SHROOM1: variants seen among roughly 807,000 people sequenced by gnomAD.
SHROOM1 encodes the protein protein Shroom1.
SHROOM1 carries 53 observed loss-of-function variants against 64.2 expected under a neutral mutation model. That is an observed-to-expected ratio of 0.83 (90% CI 0.66 to 1.04). The LOEUF (loss-of-function observed/expected upper bound fraction) is 1.04. SHROOM1 is among the 50% of genes least tolerant of loss of function. The probability of loss-of-function intolerance (pLI) is 0.00; values close to 1 mark genes in which losing one functional copy is unlikely to be tolerated. For missense variants in SHROOM1, 1,179 were observed against 1,163.2 expected (o/e 1.01, Z -0.20); for synonymous variants, 490 against 518.9 (o/e 0.94, Z 0.76).
chr5:132,825,615 G>C lies in SHROOM1; in HGVS notation c.526C>G (p.Pro176Ala). 1.5e-6 allele frequency: 2 copies of C among 1,359,984 alleles called. No homozygotes were observed. The highest frequency in any genetic ancestry group is 1.9e-6 in the Non-Finnish European group (2 of 1,063,756). The allele number at this position is 1,359,984 out of a possible 1,614,324, so 84.2% of individuals were successfully genotyped here. ...SLPARLRPTV[P>A]ARPPATHPRS... is the part of the protein sequence containing the mutation. ...GGGTGAGTCGCCGGGGGCCGCGCTGGGACAGTGGGCCGCAGACGGGCGGGC... is the reference window on the plus strand; with the variant it reads ...GGGTGAGTCGCCGGGGGCCGCGCTGCGACAGTGGGCCGCAGACGGGCGGGC... The change falls in exon 4 of 10, where the codon CCA becomes GCA. Residue 176 changes from proline to alanine, a missense_variant. Transcript: ENST00000378679. The surrounding 1 kb of genome is among the most constrained non-coding windows in gnomAD (Gnocchi z 5.1).
chr5:132,823,324 G>C lies in SHROOM1; in HGVS notation c.2152C>G (p.Leu718Val). 1.2e-6 allele frequency: 2 copies of C among 1,604,604 alleles called. No homozygotes were observed. The highest frequency in any genetic ancestry group is 1.7e-6 in the Non-Finnish European group (2 of 1,179,536). Residue 718 changes from leucine to valine, a missense_variant, in exon 9 of 10, where the codon CTG (leucine) becomes GTG (valine). Coordinates refer to ENST00000378679, the MANE Select transcript of SHROOM1 (RefSeq NM_001172700.2). This position sits in a 1 kb window ranked among gnomAD's most constrained non-coding sequence, Gnocchi z 4.6. ...DLERVLGLLL[L>V]LGSRLARVRR... ...ACGCGCGCCAGGCGACTGCCCAGCA[G>C]CAGCAGAAGGCCAAGCACGCGCTCT... is the stretch of plus-strand genomic sequence containing the variant.
chr5:132,830,080 C>A lies in SHROOM1; in HGVS notation c.-501+514G>T. 1.0e-6 allele frequency: 1 copy of A among 985,362 alleles called. No individual in the cohort carries two copies. 61.0% of individuals were successfully genotyped at this position (985,362 alleles called of 1,614,324 possible). ...GGCACGGGAGGGAGAGAGGCGCAGG[C>A]CCCGGCGGCCGCAGGGGGCGGCAGA... is the stretch of plus-strand genomic sequence containing the variant. On this transcript the variant is annotated intron_variant, in intron 1 of 9. Coordinates refer to ENST00000378679, the MANE Select transcript of SHROOM1 (RefSeq NM_001172700.2). This position sits in a 1 kb window ranked among gnomAD's most constrained non-coding sequence, Gnocchi z 5.9.
Position 132,825,465 on chromosome 5 carries a change from G to C in SHROOM1, c.676C>G (p.Pro226Ala), listed in dbSNP as rs200458970. The C allele has an allele frequency of 9.6e-6, 15 of 1,561,756 alleles. No homozygotes were observed. Among genetic ancestry groups the C allele is most frequent in the Non-Finnish European group, 1.3e-5 (15 of 1,158,532 alleles). The change falls in exon 4 of 10, where the codon CCA (proline) becomes GCA (alanine). Residue 226 changes from proline to alanine, a missense_variant. Physicochemically the swap from Pro to Ala is conservative, Grantham distance 27. Transcript: ENST00000378679. This position sits in a 1 kb window ranked among gnomAD's most constrained non-coding sequence, Gnocchi z 5.1. ...CGACCCACACGATCCAGCTTTCCTGGCTCTGAGAAGCACCACTTCCGCTGC... is the reference window on the plus strand; with the variant it reads ...CGACCCACACGATCCAGCTTTCCTGCCTCTGAGAAGCACCACTTCCGCTGC... The part of the protein sequence containing the change: ...NQQRKWCFSE[P>A]GKLDRVGRGG...
In SHROOM1 at chr5:132,830,095, G is replaced by T. The variant is rs917621278; in HGVS notation, c.-501+499C>A. 7.4e-5 allele frequency: 73 copies of T among 985,304 alleles called. No individual in the cohort carries two copies. The highest frequency in any genetic ancestry group is 1.2e-4 in the Admixed American group (2 of 16,268). 61.0% of individuals were successfully genotyped at this position (985,304 alleles called of 1,614,324 possible). On this transcript the variant is annotated intron_variant, in intron 1 of 9. Transcript: ENST00000378679. The surrounding 1 kb of genome is among the most constrained non-coding windows in gnomAD (Gnocchi z 5.9). ...GAGGCGCAGGCCCCGGCGGCCGCAG[G>T]GGGCGGCAGAGACACGCGGAGCGGC...
intron 1 of SHROOM1, among the ~76,000 whole-genome samples, chr5:132,829,318 G>A (rs1758786576): frequency 6.6e-6 from 1 of 152,210 alleles, no homozygotes; most frequent in Non-Finnish European, 1.5e-5. Flanking sequence ...AGGAGCTGGG[G>A]CTGAGGAATT....
At position 132,823,533 on chromosome 5, in the gene SHROOM1, G is replaced by C. The variant is rs759205426; in HGVS notation, c.1954-11C>G. On this transcript the variant is annotated splice_polypyrimidine_tract_variant and intron_variant, in intron 8 of 9. Coordinates refer to ENST00000378679, the MANE Select transcript of SHROOM1 (RefSeq NM_001172700.2). This position sits in a 1 kb window ranked among gnomAD's most constrained non-coding sequence, Gnocchi z 4.6. ...GGCGGCCAGCTCCACCTACAGGGAA[G>C]GCTCAAGGCTGGGGCCAGGCTCATG... 6.3e-7 allele frequency: 1 copy of C among 1,589,346 alleles called. No homozygotes were observed. Among genetic ancestry groups the C allele is most frequent in the South Asian group, 1.1e-5 (1 of 88,992 alleles).
chr5:132,824,033 T>A lies in SHROOM1; in HGVS notation c.1628A>T (p.Glu543Val). The part of the protein sequence containing the change: ...SRPTWPSQCL[E>V]ELVQELARLD... ...TCTGGCCAGCTCCTGAACCAGCTCC[T>A]CGAGGCACTGACTAGGCCATGTGGG... The change falls in exon 7 of 10, where the codon GAG becomes GTG. Residue 543 changes from glutamate (E) to valine (V), a missense_variant. Physicochemically the swap from Glu to Val is moderately radical, Grantham distance 121. Transcript: ENST00000378679. 6.2e-7 allele frequency: 1 copy of A among 1,608,486 alleles called. No homozygotes were observed. Among genetic ancestry groups the A allele is most frequent in the Non-Finnish European group, 8.5e-7 (1 of 1,176,934 alleles).
rs1206714753 is a variant in SHROOM1, at chr5:132,823,971, G to A, written c.1690C>T (p.Pro564Ser). Reference protein sequence around the residue: ...PSLCDPLASQPSPEPPLGLLD... With the variant: ...PSLCDPLASQSSPEPPLGLLD... ...AGGCCCAGGGGTGGCTCTGGGCTGG[G>A]CTGGGAAGCAAGAGGGTCACATAGA... The change falls in exon 7 of 10, where the codon CCC becomes TCC. Residue 564 changes from proline to serine, a missense_variant. Pro to Ser is a moderately conservative substitution (Grantham distance 74). Coordinates refer to ENST00000378679, the MANE Select transcript of SHROOM1 (RefSeq NM_001172700.2). This position sits in a 1 kb window ranked among gnomAD's most constrained non-coding sequence, Gnocchi z 4.6. 6.2e-7 allele frequency: 1 copy of A among 1,603,608 alleles called. No homozygotes were observed. Among genetic ancestry groups the A allele is most frequent in the Non-Finnish European group, 8.5e-7 (1 of 1,174,874 alleles).
intron 1 of SHROOM1, among the ~76,000 whole-genome samples, chr5:132,829,375 G>C (rs1758787482): frequency 6.6e-6 from 1 of 152,204 alleles, no homozygotes; most frequent in Admixed American, 6.5e-5. Context: ...TGGTGTCTGT[G>C]ACAAGTCAGG....
In SHROOM1 at chr5:132,824,839, A is replaced by G; in HGVS notation, c.1035-18T>C. ...GCAAGAACCTGGAGGCAGGGACCCC[A>G]TAGTGACCACAGTGAAAGGAAGGAA... On this transcript the variant is annotated intron_variant, in intron 5 of 9. Transcript: ENST00000378679. 1 of 1,613,538 alleles carries G rather than the reference A, an allele frequency of 6.2e-7. No individual in the cohort carries two copies. The highest frequency in any genetic ancestry group is 1.1e-5 in the South Asian group (1 of 91,080).
In SHROOM1 at chr5:132,830,636, C is replaced by G. The variant is rs1267469630; in HGVS notation, c.-543G>C. ...ACGCGCTCCTGGGCCGTCGCAGCCG[C>G]GCGGTGACATCAGAGCCCCGGGCTC... On this transcript the variant is annotated 5_prime_UTR_variant, in exon 1 of 10. Transcript: ENST00000378679. The surrounding 1 kb of genome is among the most constrained non-coding windows in gnomAD (Gnocchi z 5.9). The G allele has an allele frequency of 1.5e-5, 15 of 985,330 alleles. No individual in the cohort carries two copies. The highest frequency in any genetic ancestry group is 1.8e-5 in the Non-Finnish European group (15 of 829,858). 61.0% of individuals were successfully genotyped at this position (985,330 alleles called of 1,614,324 possible). A position where few individuals can be genotyped will look rare whatever the true frequency, so the allele number is the denominator to read the frequency against.
At chr5:132,829,148 C>T (rs1198178484) in intron 1 of SHROOM1, among the ~76,000 whole-genome samples, 6 of 152,194 alleles carry the variant, frequency 3.9e-5, no homozygotes, top group South Asian at 2.1e-4. Flanking sequence ...CTAGACTCCC[C>T]GCTAGAAAGA....
At chr5:132,829,795 A>G (rs1758796458) in intron 1 of SHROOM1, 1 of 985,472 alleles carries the variant, frequency 1.0e-6, no homozygotes, top group South Asian at 4.7e-5. Context: ...CGTTCTGGGA[A>G]GTTCACCGGC....
rs764331388 is a variant in SHROOM1, at chr5:132,823,798, G to T, written c.1812-34C>A. Reference sequence around the variant, plus strand: ...AAAACCAGAGCTCCCTGGGTTTCCTGTCCCCAACTTCAGGGGCTCAGTGTC... The same window carrying T: ...AAAACCAGAGCTCCCTGGGTTTCCTTTCCCCAACTTCAGGGGCTCAGTGTC... On this transcript the variant is annotated intron_variant, in intron 7 of 9. Transcript: ENST00000378679. The surrounding 1 kb of genome is among the most constrained non-coding windows in gnomAD (Gnocchi z 4.6). 6.5e-7 allele frequency: 1 copy of T among 1,533,448 alleles called. No homozygotes were observed. Among genetic ancestry groups the T allele is most frequent in the Non-Finnish European group, 8.8e-7 (1 of 1,140,798 alleles). The allele number at this position is 1,533,448 out of a possible 1,614,324, so 95.0% of individuals were successfully genotyped here. A position where few individuals can be genotyped will look rare whatever the true frequency, so the allele number is the denominator to read the frequency against.
In SHROOM1 at chr5:132,825,666, G is replaced by A. The variant is rs907081679; in HGVS notation, c.475C>T (p.Gln159Ter). 4 of 1,357,338 alleles carry A rather than the reference G, an allele frequency of 2.9e-6. No homozygotes were observed. Among genetic ancestry groups the A allele is most frequent in the Non-Finnish European group, 3.8e-6 (4 of 1,061,486 alleles). 84.1% of individuals were successfully genotyped at this position (1,357,338 alleles called of 1,614,324 possible). Residue 159 changes from glutamine (Q) to a stop codon, truncating the protein, a stop_gained, in exon 4 of 10, where the codon CAG (glutamine) becomes TAG (stop). Transcript: ENST00000378679. LOFTEE classifies it high-confidence loss of function. The surrounding 1 kb of genome is among the most constrained non-coding windows in gnomAD (Gnocchi z 5.1). Reference protein sequence around the residue: ...QRRVLRETSFQRKELRMSLPA... With the variant: ...QRRVLRETSF ...AGGCTCATGCGGAGCTCCTTGCGCTGGAACGACGTCTCCCGGAGCACTCGC... is the reference window on the plus strand; with the variant it reads ...AGGCTCATGCGGAGCTCCTTGCGCTAGAACGACGTCTCCCGGAGCACTCGC...
rs1413114573 is a variant in SHROOM1, at chr5:132,830,098, G to A, written c.-501+496C>T. The A allele has an allele frequency of 3.0e-6, 3 of 985,322 alleles. No homozygotes were observed. Among genetic ancestry groups the A allele is most frequent in the African/African-American group, 1.7e-5 (1 of 57,252 alleles). The allele number at this position is 985,322 out of a possible 1,614,324, so 61.0% of individuals were successfully genotyped here. A position where few individuals can be genotyped will look rare whatever the true frequency, so the allele number is the denominator to read the frequency against. On this transcript the variant is annotated intron_variant, in intron 1 of 9. Coordinates refer to ENST00000378679, the MANE Select transcript of SHROOM1 (RefSeq NM_001172700.2). This position sits in a 1 kb window ranked among gnomAD's most constrained non-coding sequence, Gnocchi z 5.9. ...GCGCAGGCCCCGGCGGCCGCAGGGG[G>A]CGGCAGAGACACGCGGAGCGGCTCG... is the stretch of plus-strand genomic sequence containing the variant.
At position 132,830,122 on chromosome 5, in the gene SHROOM1, C is replaced by T. The variant is rs1250736935; in HGVS notation, c.-501+472G>A. 4 of 985,390 alleles carry T rather than the reference C, an allele frequency of 4.1e-6. No individual in the cohort carries two copies. The highest frequency in any genetic ancestry group is 4.8e-6 in the Non-Finnish European group (4 of 829,914). 61.0% of individuals were successfully genotyped at this position (985,390 alleles called of 1,614,324 possible). Reference sequence around the variant, plus strand: ...GGCGGCAGAGACACGCGGAGCGGCTCGACAGCAGATGGCCGCAGCCCCGCG... The same window carrying T: ...GGCGGCAGAGACACGCGGAGCGGCTTGACAGCAGATGGCCGCAGCCCCGCG... On this transcript the variant is annotated intron_variant, in intron 1 of 9. Transcript: ENST00000378679. This position sits in a 1 kb window ranked among gnomAD's most constrained non-coding sequence, Gnocchi z 5.9.
In SHROOM1 at chr5:132,823,731, C is replaced by A; in HGVS notation, c.1845G>T (p.Pro615=). The A allele has an allele frequency of 6.2e-7, 1 of 1,606,802 alleles. No homozygotes were observed. The highest frequency in any genetic ancestry group is 8.5e-7 in the Non-Finnish European group (1 of 1,176,654). The change falls in exon 8 of 10, where the codon CCG becomes CCT. Residue 615 remains proline (P), a synonymous_variant. Transcript: ENST00000378679. This position sits in a 1 kb window ranked among gnomAD's most constrained non-coding sequence, Gnocchi z 4.6. ...CAAGCCTTGTCTCCTCCCGAGGAGC[C>A]GGCAGGAGCTGGGTGAAGCTGAACT... ...SYQFSFTQLL[P]APREETRLEN...
At chr5:132,824,490 C>G (rs543906547) in intron 6 of SHROOM1, 71 bp from the exon 7 acceptor site, 1 of 1,518,022 alleles carries the variant, frequency 6.6e-7, no homozygotes, top group African/African-American at 1.4e-5. Context: ...CAAGGGCCAT[C>G]TGTCCCTACC....
Sources: gnomAD v4.1 joint callset for allele counts (sites outside exome capture counted in the v4.1 genomes callset) on GRCh38, gnomAD v4.1.1 for gene constraint, Gnocchi (gnomAD v3.1) non-coding constraint, MANE v1.5 for transcripts, NCBI Gene and HGNC (gene_info 2026-07-23, HGNC 2026-07-21) for gene names.